Variants in GNAQ observed in about 807,000 individuals in gnomAD.
GNAQ encodes the protein G protein subunit alpha q, also known as guanine nucleotide-binding protein G(q) subunit alpha.
GNAQ carries 8 observed loss-of-function variants against 43.9 expected under a neutral mutation model. That is an observed-to-expected ratio of 0.18 (90% CI 0.11 to 0.33). The LOEUF (loss-of-function observed/expected upper bound fraction) is 0.33, where lower values mean the gene tolerates loss of function less well. GNAQ is among the 10% of genes least tolerant of loss of function. GNAQ has a pLI of 1.00. For synonymous variants in GNAQ, 155 were observed against 170.7 expected, an observed-to-expected ratio of 0.91 and a Z score of 0.71; for missense variants, 158 against 450.8, an observed-to-expected ratio of 0.35 and a Z score of 5.88.
intron 2 of GNAQ, among the ~76,000 whole-genome samples, chr9:77,916,353 T>C (rs1828904588): frequency 6.6e-6 from 1 of 152,186 alleles, no homozygotes; most frequent in Non-Finnish European, 1.5e-5. Context: ...TTTTGGCATT[T>C]TGTAAACTAA....
intron 1 of GNAQ, among the ~76,000 whole-genome samples, chr9:77,930,662 T>C (rs1338614073): frequency 6.6e-6 from 1 of 152,204 alleles, no homozygotes; most frequent in Non-Finnish European, 1.5e-5. Context: ...GCAGTGATTT[T>C]TTTACTAAAA....
chr9:77,924,872 A>G (rs577768962), intron 1 of GNAQ, among the ~76,000 whole-genome samples: 5 of 152,212 alleles, frequency 3.3e-5, no homozygotes, highest in South Asian at 4.2e-4. Context: ...GGGTACCCCC[A>G]GGAGGCTGAC....
At chr9:77,909,133 C>G (rs1428028445) in intron 2 of GNAQ, among the ~76,000 whole-genome samples, 1 of 152,134 alleles carries the variant, frequency 6.6e-6, no homozygotes, top group Non-Finnish European at 1.5e-5. Context: ...CCATGGCTGG[C>G]AAAAACTGCA....
At chr9:77,901,517 G>A (rs190631902) in intron 2 of GNAQ, among the ~76,000 whole-genome samples, 418 of 152,238 alleles carry the variant, frequency 2.7e-3, no homozygotes, top group Non-Finnish European at 4.5e-3. Context: ...TGGCAGAGCC[G>A]TCCTGCCTCT....
chr9:77,924,162 C>A (rs1427957604), intron 1 of GNAQ, among the ~76,000 whole-genome samples: 1 of 152,146 alleles, frequency 6.6e-6, no homozygotes, highest in African/African-American at 2.4e-5. Flanking sequence ...GCTATCACCC[C>A]AGTTTAACAG....
intron 1 of GNAQ, among the ~76,000 whole-genome samples, chr9:77,951,498 T>A (rs1179460985): frequency 6.6e-6 from 1 of 152,228 alleles, no homozygotes; most frequent in Non-Finnish European, 1.5e-5. Flanking sequence ...AGCTTTATAG[T>A]TTATTTACTT....
At chr9:77,857,333 G>A (rs144792618) in intron 2 of GNAQ, among the ~76,000 whole-genome samples, 13 of 152,196 alleles carry the variant, frequency 8.5e-5, no homozygotes, top group African/African-American at 3.1e-4. Flanking sequence ...TAAGATCAGC[G>A]GTGTACAGCT....
At chr9:78,001,778 G>T (rs1823647021) in intron 1 of GNAQ, among the ~76,000 whole-genome samples, 1 of 152,074 alleles carries the variant, frequency 6.6e-6, no homozygotes, top group Non-Finnish European at 1.5e-5. Flanking sequence ...TACAAATAAA[G>T]AAGCTGTGTT....
chr9:77,908,113 G>A (rs1362764439), intron 2 of GNAQ, among the ~76,000 whole-genome samples: 1 of 152,060 alleles, frequency 6.6e-6, no homozygotes, highest in East Asian at 1.9e-4. Flanking sequence ...AATGAAAAAG[G>A]CCCAGAAGTG....
At chr9:77,743,345 A>G (rs1825682916) in intron 5 of GNAQ, among the ~76,000 whole-genome samples, 1 of 152,202 alleles carries the variant, frequency 6.6e-6, no homozygotes, top group Non-Finnish European at 1.5e-5. Flanking sequence ...GCCATGAAAG[A>G]GTGTATCACA....
chr9:77,859,431 A>G, intron 2 of GNAQ, among the ~76,000 whole-genome samples: 1 of 152,220 alleles, frequency 6.6e-6, no homozygotes, highest in Non-Finnish European at 1.5e-5. Flanking sequence ...AGATCCACAT[A>G]TCTGTTTGGA....
At chr9:77,949,986 T>C (rs1822955874) in intron 1 of GNAQ, among the ~76,000 whole-genome samples, 2 of 152,270 alleles carry the variant, frequency 1.3e-5, no homozygotes, top group Admixed American at 6.5e-5. Flanking sequence ...AACCCTCACA[T>C]AATCCCCCCT....
At chr9:77,877,880 C>A (rs1311087835) in intron 2 of GNAQ, among the ~76,000 whole-genome samples, 1 of 152,162 alleles carries the variant, frequency 6.6e-6, no homozygotes, top group Non-Finnish European at 1.5e-5. Flanking sequence ...TTTGCCCCAA[C>A]TACTCCCATT....
intron 2 of GNAQ, among the ~76,000 whole-genome samples, chr9:77,910,519 T>C (rs1828782612): frequency 6.6e-6 from 1 of 152,186 alleles, no homozygotes; most frequent in South Asian, 2.1e-4. Context: ...TGGCTGTCAA[T>C]TCCTGGTCAT....
At chr9:77,776,531 T>A (rs980283257) in intron 5 of GNAQ, among the ~76,000 whole-genome samples, 37 of 152,242 alleles carry the variant, frequency 2.4e-4, no homozygotes, top group African/African-American at 8.2e-4. Flanking sequence ...TGTATGCTTA[T>A]GTGCAATAAT....
chr9:77,899,534 T>C (rs1190156235), intron 2 of GNAQ, among the ~76,000 whole-genome samples: 1 of 146,312 alleles, frequency 6.8e-6, no homozygotes, highest in Non-Finnish European at 1.5e-5. Flanking sequence ...ACAGGCATTA[T>C]TCAAAGAATC....
intron 1 of GNAQ, among the ~76,000 whole-genome samples, chr9:77,942,570 AAAT>A (rs1829331032): frequency 6.6e-6 from 1 of 152,192 alleles, no homozygotes; most frequent in Admixed American, 6.5e-5. Context: ...TGGAAACAAA[AAAT>A]AATAAGGCAT....
intron 2 of GNAQ, among the ~76,000 whole-genome samples, chr9:77,896,098 T>C (rs978479757): frequency 2.6e-5 from 4 of 152,156 alleles, no homozygotes; most frequent in Non-Finnish European, 5.9e-5. Context: ...ACATGCTGGA[T>C]AGAAGCCTGA....
chr9:78,031,125 G>T lies in GNAQ; in HGVS notation c.111C>A (p.Arg37=). 6.5e-7 allele frequency: 1 copy of T among 1,533,170 alleles called. No homozygotes were observed. The highest frequency in any genetic ancestry group is 8.8e-7 in the Non-Finnish European group (1 of 1,140,700). The allele number at this position is 1,533,170 out of a possible 1,614,324, so 95.0% of individuals were successfully genotyped here. ...RQLRRDKRDA[R]RELKLLLLGT... Reference sequence around the variant, plus strand: ...CGAGCAGCAGCAGCTTGAGCTCCCGGCGGGCGTCCCGCTTGTCCCTGCGGA... The same window carrying T: ...CGAGCAGCAGCAGCTTGAGCTCCCGTCGGGCGTCCCGCTTGTCCCTGCGGA... The change falls in exon 1 of 7, where the codon CGC becomes CGA. Residue 37 remains arginine (R), a synonymous_variant. Coordinates refer to ENST00000286548, the MANE Select transcript of GNAQ (RefSeq NM_002072.5).
Sources: gnomAD v4.1 joint callset for allele counts (sites outside exome capture counted in the v4.1 genomes callset) on GRCh38, gnomAD v4.1.1 for gene constraint, MANE v1.5 for transcripts, NCBI Gene and HGNC (gene_info 2026-07-23, HGNC 2026-07-21) for gene names.